Variants in PLXNA4 observed in about 807,000 individuals in gnomAD.
The protein encoded by PLXNA4 is plexin A4, also known as plexin-A4.
A neutral mutation model predicts 191.8 loss-of-function variants in PLXNA4; 44 were observed. The ratio of observed to expected loss-of-function variants is 0.23; its 90% confidence interval spans 0.18 to 0.29. The LOEUF (loss-of-function observed/expected upper bound fraction) is 0.29, where lower values mean the gene tolerates loss of function less well. Ranked by LOEUF, PLXNA4 falls within the 10% of genes least tolerant of loss-of-function variation. The pLI is 1.00. For missense variants in PLXNA4, 1,800 were observed against 2,488.8 expected (o/e 0.72, Z 5.89); for synonymous variants, 1,082 against 1,009.5 (o/e 1.07, Z -1.36).
chr7:132,203,907 G>C (rs1797526194), intron 10 of PLXNA4, among the ~76,000 whole-genome samples: 1 of 152,180 alleles, frequency 6.6e-6, no homozygotes, highest in South Asian at 2.1e-4. Flanking sequence ...CTTTACCAAA[G>C]ACCTGGGGAG....
chr7:132,334,715 A>C (rs1169260355), intron 3 of PLXNA4, among the ~76,000 whole-genome samples: 1 of 152,080 alleles, frequency 6.6e-6, no homozygotes, highest in Non-Finnish European at 1.5e-5. Flanking sequence ...GCGGCCCCTA[A>C]AGCCCTTCTC....
At chr7:132,130,652 T>C (rs906066013) in intron 31 of PLXNA4, 78 bp from the exon 32 acceptor site, 50 of 1,602,632 alleles carry the variant, frequency 3.1e-5, no homozygotes, top group Non-Finnish European at 4.2e-5. Flanking sequence ...AAAGATGGTG[T>C]GGATGTGGTC....
intron 4 of PLXNA4, among the ~76,000 whole-genome samples, chr7:132,283,605 A>C (rs1180171683): frequency 6.6e-6 from 1 of 152,214 alleles, no homozygotes; most frequent in Non-Finnish European, 1.5e-5. Flanking sequence ...AGCACACACA[A>C]AAAAAGAGAA....
intron 3 of PLXNA4, among the ~76,000 whole-genome samples, chr7:132,320,106 T>C (rs1472652329): frequency 1.3e-5 from 2 of 152,340 alleles, no homozygotes; most frequent in Non-Finnish European, 2.9e-5. Flanking sequence ...TACTGGGCGC[T>C]TTTAAGATGG....
intron 2 of PLXNA4, among the ~76,000 whole-genome samples, chr7:132,621,715 T>A (rs1803272567): frequency 6.6e-6 from 1 of 152,210 alleles, no homozygotes. Context: ...ATAAATAGCA[T>A]TCTGAAGTGG....
intron 3 of PLXNA4, among the ~76,000 whole-genome samples, chr7:132,323,220 G>A (rs62466370): frequency 0.083 from 12,593 of 152,200 alleles, 740 homozygotes; most frequent in Admixed American, 0.19. Context: ...GCATTGCTGG[G>A]TGCCAGCAGA....
intron 3 of PLXNA4, among the ~76,000 whole-genome samples, chr7:132,305,256 T>C (rs907523301): frequency 2.0e-5 from 3 of 152,106 alleles, no homozygotes; most frequent in African/African-American, 7.2e-5. Context: ...TGAGGCCACA[T>C]GAGCACTTAA....
At position 132,130,212 on chromosome 7, in the gene PLXNA4, T is replaced by G. The variant is rs1794885502; in HGVS notation, c.*267A>C. ...AGACAGAGGCCTCTCTGACATCTTC[T>G]GGTCAGCTCCCTTGCCATGGGCCTG... On this transcript the variant is annotated 3_prime_UTR_variant, in exon 32 of 32. Coordinates refer to ENST00000321063, the MANE Select transcript of PLXNA4 (RefSeq NM_020911.2). 1 of 428,218 alleles carries G rather than the reference T, an allele frequency of 2.3e-6. No homozygotes were observed. Among genetic ancestry groups the G allele is most frequent in the Admixed American group, 3.5e-5 (1 of 28,958 alleles). 26.5% of individuals were successfully genotyped at this position (428,218 alleles called of 1,614,324 possible). A position where few individuals can be genotyped will look rare whatever the true frequency, so the allele number is the denominator to read the frequency against.
At chr7:132,315,089 A>G (rs980345303) in intron 3 of PLXNA4, among the ~76,000 whole-genome samples, 4 of 152,188 alleles carry the variant, frequency 2.6e-5, no homozygotes, top group Non-Finnish European at 4.4e-5. Flanking sequence ...TTCTTCCTTG[A>G]CTTTTCCATT....
intron 3 of PLXNA4, among the ~76,000 whole-genome samples, chr7:132,335,982 C>T (rs1487486861): frequency 6.6e-6 from 1 of 152,200 alleles, no homozygotes; most frequent in African/African-American, 2.4e-5. Context: ...AAGGAACCAT[C>T]AGTAGAGAGA....
chr7:132,635,478 T>C (rs1470383827), intron 2 of PLXNA4, among the ~76,000 whole-genome samples: 1 of 151,980 alleles, frequency 6.6e-6, no homozygotes, highest in Non-Finnish European at 1.5e-5. Flanking sequence ...TAAGACAAAA[T>C]ACAGTGCTAG....
intron 2 of PLXNA4, among the ~76,000 whole-genome samples, chr7:132,502,401 TGTGGGACTACACAGGGCTG>T (rs1798293568): frequency 6.6e-6 from 1 of 152,154 alleles, no homozygotes. Flanking sequence ...GTGTGGCCCT[TGTGGGACTACACAGGGCTG>T]GTGGGTAAAC....
intron 3 of PLXNA4, among the ~76,000 whole-genome samples, chr7:132,389,424 C>T (rs984628708): frequency 6.6e-6 from 1 of 152,162 alleles, no homozygotes. Flanking sequence ...GTCTTGAATC[C>T]ATCTTGAGTT....
chr7:132,495,031 A>T (rs1257007394), intron 2 of PLXNA4, among the ~76,000 whole-genome samples: 2 of 151,754 alleles, frequency 1.3e-5, no homozygotes, highest in African/African-American at 4.8e-5. Flanking sequence ...TCAATGACAC[A>T]CTCTTAAGGA....
intron 3 of PLXNA4, among the ~76,000 whole-genome samples, chr7:132,345,834 C>G (rs1012685248): frequency 6.6e-6 from 1 of 152,110 alleles, no homozygotes; most frequent in Non-Finnish European, 1.5e-5. Context: ...CTCAAAGGAC[C>G]GCAGCATGGC....
chr7:132,601,976 T>A (rs1159022665), intron 2 of PLXNA4, among the ~76,000 whole-genome samples: 1 of 152,228 alleles, frequency 6.6e-6, no homozygotes, highest in Non-Finnish European at 1.5e-5. Flanking sequence ...CAGATCTCAA[T>A]TTGCTGGACA....
At chr7:132,368,533 C>T (rs1466594939) in intron 3 of PLXNA4, among the ~76,000 whole-genome samples, 1 of 152,190 alleles carries the variant, frequency 6.6e-6, no homozygotes, top group Non-Finnish European at 1.5e-5. Flanking sequence ...GTGGTCTCTC[C>T]TGTCACCCTC....
At chr7:132,400,601 G>T (rs1390241614) in intron 3 of PLXNA4, among the ~76,000 whole-genome samples, 1 of 152,168 alleles carries the variant, frequency 6.6e-6, no homozygotes, top group Non-Finnish European at 1.5e-5. Flanking sequence ...CTCCTTGATA[G>T]TTTTCAGGCA....
intron 3 of PLXNA4, among the ~76,000 whole-genome samples, chr7:132,378,894 C>A (rs980419915): frequency 2.0e-5 from 3 of 150,068 alleles, no homozygotes; most frequent in African/African-American, 7.4e-5. Context: ...CTTTGTTGCC[C>A]AGGCTGGAGT....
Sources: allele counts gnomAD v4.1 joint callset (sites outside exome capture counted in the v4.1 genomes callset), GRCh38; gene constraint gnomAD v4.1.1; transcripts MANE v1.5; gene names NCBI Gene and HGNC (gene_info 2026-07-23, HGNC 2026-07-21).